Variants in BCAS3 observed in about 807,000 individuals in gnomAD.
BCAS3 encodes BCAS4/BCAS3 fusion.
Under a neutral mutation model 116.1 loss-of-function variants are expected in BCAS3, and 53 were observed. That is an observed-to-expected ratio of 0.46 (90% CI 0.37 to 0.57). The LOEUF is 0.57. Ranked by LOEUF, BCAS3 falls within the 20% of genes least tolerant of loss-of-function variation. The probability of loss-of-function intolerance (pLI) is 0.00; values close to 1 mark genes in which losing one functional copy is unlikely to be tolerated. For synonymous variants in BCAS3, 391 were observed against 408.2 expected, an observed-to-expected ratio of 0.96 and a Z score of 0.51; for missense variants, 917 against 1,165.4, an observed-to-expected ratio of 0.79 and a Z score of 3.10.
At chr17:60,972,584 A>G (rs73322754) in intron 14 of BCAS3, among the ~76,000 whole-genome samples, 1 of 151,512 alleles carries the variant, frequency 6.6e-6, no homozygotes, top group African/African-American at 2.4e-5. Flanking sequence ...AGTAGCTGGG[A>G]CTACATACAG....
At chr17:61,252,948 C>T (rs2048479539) in intron 22 of BCAS3, among the ~76,000 whole-genome samples, 1 of 147,882 alleles carries the variant, frequency 6.8e-6, no homozygotes, top group Admixed American at 6.8e-5. Context: ...GGTGTGATCT[C>T]AGCTCACTGC....
intron 14 of BCAS3, among the ~76,000 whole-genome samples, chr17:60,958,361 T>TA (rs1208198747): frequency 2.0e-5 from 3 of 152,200 alleles, no homozygotes; most frequent in Non-Finnish European, 2.9e-5. Flanking sequence ...ATTTTATTTT[T>TA]AAAAAACTAA....
intron 22 of BCAS3, among the ~76,000 whole-genome samples, chr17:61,163,595 GTCTTTATTT>G (rs1160119197): frequency 6.6e-6 from 1 of 152,098 alleles, no homozygotes; most frequent in Non-Finnish European, 1.5e-5. Context: ...GCTTCTCAGA[GTCTTTATTT>G]AAAGGTTTCA....
In BCAS3 at chr17:61,083,351, ATTT is replaced by A. The variant is rs1265010822; in HGVS notation, c.2328-1114_2328-1112del. On this transcript the variant is annotated intron_variant, in intron 21 of 23. Coordinates refer to ENST00000407086, the MANE Select transcript of BCAS3 (RefSeq NM_017679.5). This position sits in a 1 kb window ranked among gnomAD's most constrained non-coding sequence, Gnocchi z 4.9. ...GTCATATATATACACATTGGTCTGT[ATTT>A]TATGTTTTGTTTCTGCTTGTTCTCA... Among the ~76,000 whole-genome samples, 24 of 118,576 alleles carry A rather than the reference ATTT, an allele frequency of 2.0e-4. No individual in the cohort carries two copies. The highest frequency in any genetic ancestry group is 2.0e-3 in the African/African-American group (23 of 11,618). 77.8% of individuals were successfully genotyped at this position (118,576 alleles called of 152,430 possible).
intron 22 of BCAS3, among the ~76,000 whole-genome samples, chr17:61,201,793 C>G (rs1267748937): frequency 2.7e-5 from 4 of 149,104 alleles, no homozygotes; most frequent in African/African-American, 9.9e-5. Flanking sequence ...GGGTCTCGCT[C>G]TGTCGCCCAG....
chr17:61,309,288 C>T lies in BCAS3; in HGVS notation c.2426-59039C>T, dbSNP rs189408435. Among the ~76,000 whole-genome samples the T allele has an allele frequency of 6.6e-6, 1 of 152,310 alleles. No homozygotes were observed. Among genetic ancestry groups the T allele is most frequent in the East Asian group, 1.9e-4 (1 of 5,188 alleles). On this transcript the variant is annotated intron_variant, in intron 22 of 23. Coordinates refer to ENST00000407086, the MANE Select transcript of BCAS3 (RefSeq NM_017679.5). The surrounding 1 kb of genome is among the most constrained non-coding windows in gnomAD (Gnocchi z 4.6). ...GGAAAAGAGACCCAGAGTCCCCTTTCGTCCTCCCCATTCATTCTAGGGTAA... is the reference window on the plus strand; with the variant it reads ...GGAAAAGAGACCCAGAGTCCCCTTTTGTCCTCCCCATTCATTCTAGGGTAA...
rs967350054 is a variant in BCAS3 at position 61,211,548 on chromosome 17, G to T, written c.2425+126984G>T. Among the ~76,000 whole-genome samples, 4 of 152,266 alleles carry T rather than the reference G, an allele frequency of 2.6e-5. No individual in the cohort carries two copies. In the East Asian group the frequency reaches 7.7e-4, roughly 29 times the overall value. ...GAAAAAAGCACTGTCTACAACAGCA[G>T]AGGTGGCCGAGAAAGGCAGACAGGC... is the stretch of plus-strand genomic sequence containing the variant. On this transcript the variant is annotated intron_variant, in intron 22 of 23. Coordinates refer to ENST00000407086, the MANE Select transcript of BCAS3 (RefSeq NM_017679.5). This position sits in a 1 kb window ranked among gnomAD's most constrained non-coding sequence, Gnocchi z 4.4.
At chr17:60,710,559 G>A (rs566047768) in intron 5 of BCAS3, among the ~76,000 whole-genome samples, 2 of 151,300 alleles carry the variant, frequency 1.3e-5, no homozygotes, top group Non-Finnish European at 2.9e-5. Context: ...AGCCTCTCAA[G>A]TAGCTGGGAC....
At chr17:60,874,221 C>G (rs1397569714) in intron 8 of BCAS3, among the ~76,000 whole-genome samples, 1 of 151,538 alleles carries the variant, frequency 6.6e-6, no homozygotes, top group Non-Finnish European at 1.5e-5. Flanking sequence ...CTCACACCAC[C>G]ACACCTGGCT....
intron 5 of BCAS3, among the ~76,000 whole-genome samples, chr17:60,743,757 A>G (rs2041798901): frequency 6.6e-6 from 1 of 152,192 alleles, no homozygotes. Context: ...CTCTAAAAGC[A>G]CTTCTACAGC....
chr17:60,757,394 ATGTGTGTGTGTGTGTGTGTGTG>A (rs61645091), intron 6 of BCAS3, among the ~76,000 whole-genome samples: 1 of 136,608 alleles, frequency 7.3e-6, no homozygotes. Context: ...CAGCATGTAT[ATGTGTGTGTGTGTGTGTGTGTG>A]TGTGTGTGTG....
intron 22 of BCAS3, among the ~76,000 whole-genome samples, chr17:61,101,235 T>G (rs2143662928): frequency 6.6e-6 from 1 of 152,260 alleles, no homozygotes; most frequent in South Asian, 2.1e-4. Context: ...TATACCTGCA[T>G]CTCACAGATA....
chr17:61,187,989 C>G (rs1383137450), intron 22 of BCAS3, among the ~76,000 whole-genome samples: 1 of 152,018 alleles, frequency 6.6e-6, no homozygotes, highest in Non-Finnish European at 1.5e-5. Context: ...TTTCTAGCCC[C>G]CATCCTAGTC....
In BCAS3 at chr17:61,122,294, G is replaced by A. The variant is rs987026056; in HGVS notation, c.2425+37730G>A. 6.6e-6 allele frequency among the ~76,000 whole-genome samples: 1 copy of A among 152,216 alleles called. No homozygotes were observed. The highest frequency in any genetic ancestry group is 1.5e-5 in the Non-Finnish European group (1 of 68,036). ...CTCTGATATGACTTGAGGATTAGAA[G>A]TAGAATATAGGAGGCCTTCTGAAAA... On this transcript the variant is annotated intron_variant, in intron 22 of 23. Coordinates refer to ENST00000407086, the MANE Select transcript of BCAS3 (RefSeq NM_017679.5). The surrounding 1 kb of genome is among the most constrained non-coding windows in gnomAD (Gnocchi z 4.6).
intron 10 of BCAS3, among the ~76,000 whole-genome samples, chr17:60,896,941 G>C (rs940545760): frequency 1.3e-5 from 2 of 152,122 alleles, no homozygotes; most frequent in Admixed American, 6.6e-5. Context: ...TGGTTTGGTG[G>C]ATTTCTGCAG....
intron 7 of BCAS3, chr17:60,851,296 G>A: frequency 3.4e-6 from 1 of 297,930 alleles, no homozygotes. Flanking sequence ...AGGAGGAGTG[G>A]CAGCAGCCAG....
intron 15 of BCAS3, among the ~76,000 whole-genome samples, chr17:61,000,351 G>C (rs536389044): frequency 2.6e-4 from 39 of 152,234 alleles, no homozygotes; most frequent in Non-Finnish European, 2.9e-4. Context: ...TCTTGGTGAG[G>C]AAATTGGAGG....
rs1393210544 is a variant in BCAS3, at chr17:61,106,183, ATAAAT to A, written c.2425+21624_2425+21628del. On this transcript the variant is annotated intron_variant, in intron 22 of 23. Transcript: ENST00000407086. This position sits in a 1 kb window ranked among gnomAD's most constrained non-coding sequence, Gnocchi z 4.2. ...TGTTGTTAATCTTTGTGCCTAACTT[ATAAAT>A]TAAACTGTATCATAGGTCTGTACAT... 1.3e-5 allele frequency among the ~76,000 whole-genome samples: 2 copies of A among 152,100 alleles called. No individual in the cohort carries two copies. The highest frequency in any genetic ancestry group is 2.9e-5 in the Non-Finnish European group (2 of 68,040).
At chr17:60,864,982 G>A (rs1048526500) in intron 7 of BCAS3, among the ~76,000 whole-genome samples, 1 of 152,044 alleles carries the variant, frequency 6.6e-6, no homozygotes, top group Admixed American at 6.6e-5. Flanking sequence ...GTCTTCTATG[G>A]GTCCAGTATG....
Sources: allele counts gnomAD v4.1 joint callset (sites outside exome capture counted in the v4.1 genomes callset), GRCh38; gene constraint gnomAD v4.1.1; non-coding constraint Gnocchi (gnomAD v3.1); transcripts MANE v1.5; gene names NCBI Gene and HGNC (gene_info 2026-07-23, HGNC 2026-07-21).